The following DOK7 variants were observed in gnomAD, a reference collection of about 807,000 sequenced individuals.
DOK7 encodes the protein protein Dok-7.
A neutral mutation model predicts 30.7 loss-of-function variants in DOK7; 32 were observed. The observed-to-expected ratio is 1.04, with a 90% CI of 0.79 to 1.40. The LOEUF (loss-of-function observed/expected upper bound fraction) is 1.40, where lower values mean the gene tolerates loss of function less well. DOK7 is among the 40% of genes most tolerant of loss of function. The probability of loss-of-function intolerance (pLI) is 0.00; values close to 1 mark genes in which losing one functional copy is unlikely to be tolerated. For synonymous variants in DOK7, 447 were observed against 324.1 expected, an observed-to-expected ratio of 1.38 and a Z score of -4.07; for missense variants, 1,007 against 699.2, an observed-to-expected ratio of 1.44 and a Z score of -4.97.
At chr4:3,475,280 A>G (rs1371249418) in intron 3 of DOK7, among the ~76,000 whole-genome samples, 2 of 152,254 alleles carry the variant, frequency 1.3e-5, no homozygotes, top group Non-Finnish European at 2.9e-5. Flanking sequence ...GCCATGGCAC[A>G]GAGGCCGCTG....
At chr4:3,498,628 C>T (rs1415906088), downstream of DOK7, among the ~76,000 whole-genome samples, 6 of 152,142 alleles carry the variant, frequency 3.9e-5, no homozygotes, top group Admixed American at 3.3e-4. Flanking sequence ...GCCTCTCCCA[C>T]CACCCCCTCT....
chr4:3,491,973 A>G (rs1728495811), intron 6 of DOK7, among the ~76,000 whole-genome samples: 1 of 152,230 alleles, frequency 6.6e-6, no homozygotes, highest in African/African-American at 2.4e-5. Context: ...CCAAGCAGAC[A>G]GTGGTCATCT....
intron 2 of DOK7, among the ~76,000 whole-genome samples, chr4:3,468,476 C>G (rs1366745627): frequency 7.6e-6 from 1 of 132,402 alleles, no homozygotes; most frequent in Non-Finnish European, 1.6e-5. Flanking sequence ...ATGTGTGCCT[C>G]TGTGTACATG....
intron 4 of DOK7, among the ~76,000 whole-genome samples, chr4:3,478,161 G>C (rs1422676139): frequency 3.9e-5 from 6 of 152,206 alleles, no homozygotes; most frequent in Non-Finnish European, 5.9e-5. Flanking sequence ...GCCGGCCGGG[G>C]TGGCGCCGCG....
chr4:3,490,846 C>CT (rs1728322440), intron 6 of DOK7, among the ~76,000 whole-genome samples: 1 of 89,464 alleles, frequency 1.1e-5, no homozygotes, highest in African/African-American at 5.0e-5. Context: ...TCATTCCTTC[C>CT]TTCCCCCCCA....
At chr4:3,466,343 C>T (rs2344205) in intron 2 of DOK7, among the ~76,000 whole-genome samples, 14,688 of 152,174 alleles carry the variant, frequency 0.097, 756 homozygotes, top group Middle Eastern at 0.12. Context: ...GCGCAGGAGC[C>T]GGGAGCCCCC....
chr4:3,499,602 A>G (rs2109443769), intron 6 of DOK7, among the ~76,000 whole-genome samples: 1 of 151,926 alleles, frequency 6.6e-6, no homozygotes, highest in East Asian at 2.0e-4. Context: ...CCTCCCCAGC[A>G]CCAATGGGGT....
intron 5 of DOK7, among the ~76,000 whole-genome samples, chr4:3,487,427 G>A (rs374723610): frequency 1.4e-4 from 22 of 152,204 alleles, no homozygotes; most frequent in Non-Finnish European, 4.4e-5. Context: ...GCTTTCTGCC[G>A]TCCTCCTGTG....
rs930424544 is a variant in DOK7, at chr4:3,474,915, AAAAC to A, written c.331+1285_331+1288del. 1.8e-4 allele frequency among the ~76,000 whole-genome samples: 28 copies of A among 152,298 alleles called. No homozygotes were observed. The Middle Eastern group carries it at 0.017, about 93-fold the overall frequency. On this transcript the variant is annotated intron_variant, in intron 3 of 6. Coordinates refer to ENST00000340083, the MANE Select transcript of DOK7 (RefSeq NM_173660.5). ...CGACAGAGTGAGACCCTGTCTCAAA[AAAAC>A]AAACACAAAAAAACTTGCTATTTTG...
At chr4:3,495,602 GC>G (rs1341123392), downstream of DOK7, among the ~76,000 whole-genome samples, 1 of 152,240 alleles carries the variant, frequency 6.6e-6, no homozygotes, top group East Asian at 1.9e-4. Flanking sequence ...AGGGTCTCCA[GC>G]CTCAGTACCC....
chr4:3,488,963 G>A (rs1727987894), intron 5 of DOK7, among the ~76,000 whole-genome samples: 1 of 152,348 alleles, frequency 6.6e-6, no homozygotes, highest in Middle Eastern at 3.4e-3. Flanking sequence ...GGGGACCAGG[G>A]CAGTGATGCT....
chr4:3,485,679 G>A (rs140243630), intron 5 of DOK7, 21 bp downstream of exon 5: 13 of 1,533,888 alleles, frequency 8.5e-6, no homozygotes, highest in South Asian at 2.5e-5. Flanking sequence ...GAGCCTGGCC[G>A]GCCGGGGAGG....
intron 6 of DOK7, among the ~76,000 whole-genome samples, chr4:3,490,068 C>CTT (rs1167565404): frequency 3.0e-5 from 2 of 67,528 alleles, no homozygotes; most frequent in African/African-American, 1.3e-4. Flanking sequence ...CTTCCTCCCC[C>CTT]CATTCCTTTC....
chr4:3,490,707 CAT>C (rs2109400917), intron 6 of DOK7, among the ~76,000 whole-genome samples: 3 of 101,032 alleles, frequency 3.0e-5, no homozygotes, highest in African/African-American at 8.1e-5. Context: ...CCCCCTCATG[CAT>C]TCCTTCATTT....
At position 3,476,425 on chromosome 4, in the gene DOK7, G is replaced by C. The variant is rs571769859; in HGVS notation, c.415G>C (p.Val139Leu). ...CCTGCACCTCTGCAATGATGTCCTC[G>C]TCTTGGCCAGGGACATCCCCCCGGC... The part of the protein sequence containing the change: ...ATLHLCNDVL[V>L]LARDIPPAVT... Residue 139 changes from valine to leucine, a missense_variant, in exon 4 of 7, where the codon GTC becomes CTC. Val to Leu is a conservative substitution (Grantham distance 32, BLOSUM62 1). Transcript: ENST00000340083. 1 of 1,613,456 alleles carries C rather than the reference G, an allele frequency of 6.2e-7. No homozygotes were observed. The highest frequency in any genetic ancestry group is 1.7e-5 in the Admixed American group (1 of 60,010).
Position 3,493,690 on chromosome 4 carries a change from T to C in DOK7, c.*189T>C. On this transcript the variant is annotated 3_prime_UTR_variant, in exon 7 of 7. Coordinates refer to ENST00000340083, the MANE Select transcript of DOK7 (RefSeq NM_173660.5). ...GGAGGAAGGGGCTGACTTGGGGAGG[T>C]GAGTTCTGGAAGGCAGGGGCTCTGG... The C allele has an allele frequency of 4.2e-6, 6 of 1,441,208 alleles. No individual in the cohort carries two copies. The highest frequency in any genetic ancestry group is 5.5e-6 in the Non-Finnish European group (6 of 1,098,750). The allele number at this position is 1,441,208 out of a possible 1,614,324, so 89.3% of individuals were successfully genotyped here.
chr4:3,493,311 GT>G lies in DOK7; in HGVS notation c.1326del (p.Ser444LeufsTer12). 6.2e-7 allele frequency: 1 copy of G among 1,605,746 alleles called. No homozygotes were observed. Among genetic ancestry groups the G allele is most frequent in the South Asian group, 1.1e-5 (1 of 90,250 alleles). On this transcript the variant is annotated frameshift_variant, in exon 7 of 7. Coordinates refer to ENST00000340083, the MANE Select transcript of DOK7 (RefSeq NM_173660.5). LOFTEE classifies it low-confidence loss of function (END_TRUNC). ...TCAGGCGGCCAGACGTCCGCCGGGT[GT>G]CCCTCTGGCTGGCTGGGCACGAGAC... ...RDSGGQTSAGCPSGWLGTRRR... is the reference protein window; with the variant it reads ...RDSGGQTSAGXPSGWLGTRRR...
chr4:3,494,526 CCCACCCTCCACGT>C (rs1181269976), downstream of DOK7: 1 of 985,428 alleles, frequency 1.0e-6, no homozygotes, highest in Non-Finnish European at 1.2e-6. Context: ...CGCCTCCTCG[CCCACCCTCCACGT>C]GGGGCCTCTG....
At chr4:3,471,194 G>A (rs1413721426) in intron 2 of DOK7, among the ~76,000 whole-genome samples, 1 of 152,234 alleles carries the variant, frequency 6.6e-6, no homozygotes, top group African/African-American at 2.4e-5. Context: ...ATGTGTACCT[G>A]AATATGCAAG....
Sources: allele counts gnomAD v4.1 joint callset (sites outside exome capture counted in the v4.1 genomes callset), GRCh38; gene constraint gnomAD v4.1.1; transcripts MANE v1.5; gene names NCBI Gene and HGNC (gene_info 2026-07-23, HGNC 2026-07-21).